Variants in FOXP1 observed in about 807,000 individuals in gnomAD.
FOXP1 encodes the protein forkhead box P1.
In FOXP1, 15 loss-of-function variants were observed where a neutral mutation model predicts 98.2. The observed-to-expected ratio is 0.15, with a 90% CI of 0.10 to 0.24. FOXP1 has a LOEUF of 0.24. FOXP1 is among the 10% of genes least tolerant of loss of function. The pLI, the probability that FOXP1 is intolerant of heterozygous loss-of-function variation, is 1.00. For missense variants in FOXP1, 633 were observed against 848.5 expected (o/e 0.75, Z 3.15); for synonymous variants, 371 against 314.5 (o/e 1.18, Z -1.90).
At chr3:71,200,954 C>A (rs1371931049) in intron 5 of FOXP1, among the ~76,000 whole-genome samples, 2 of 152,160 alleles carry the variant, frequency 1.3e-5, no homozygotes, top group Non-Finnish European at 2.9e-5. Context: ...TCTTCATAAA[C>A]CCAAAGACGT....
chr3:71,262,283 A>C (rs1013436304), intron 5 of FOXP1, among the ~76,000 whole-genome samples: 147 of 147,016 alleles, frequency 1.0e-3, no homozygotes, highest in Middle Eastern at 3.5e-3. Context: ...AAAAAAAAAA[A>C]AAAAAAAAAA....
intron 4 of FOXP1, among the ~76,000 whole-genome samples, chr3:71,325,043 T>C (rs544463559): frequency 7.0e-6 from 1 of 143,686 alleles, no homozygotes; most frequent in African/African-American, 2.5e-5. Context: ...GCTGTAGGTA[T>C]AATCCCTTGA....
chr3:71,010,760 C>T (rs1325022134), intron 12 of FOXP1, among the ~76,000 whole-genome samples: 2 of 152,070 alleles, frequency 1.3e-5, no homozygotes, highest in Admixed American at 6.6e-5. Flanking sequence ...AATGAAGATG[C>T]TTTCAGGATC....
intron 6 of FOXP1, among the ~76,000 whole-genome samples, chr3:71,136,114 C>T (rs1007034536): frequency 1.3e-5 from 2 of 152,198 alleles, no homozygotes; most frequent in African/African-American, 4.8e-5. Context: ...TAGATTCAAT[C>T]ACATGAACCC....
chr3:71,199,235 G>A (rs1018098784), intron 5 of FOXP1, among the ~76,000 whole-genome samples: 3 of 151,682 alleles, frequency 2.0e-5, no homozygotes, highest in Non-Finnish European at 2.9e-5. Flanking sequence ...CTCCCAAGTA[G>A]CTGGGATTAC....
At chr3:71,030,140 T>TA (rs1341940519) in intron 11 of FOXP1, among the ~76,000 whole-genome samples, 1 of 152,226 alleles carries the variant, frequency 6.6e-6, no homozygotes, top group Non-Finnish European at 1.5e-5. Context: ...TAAACTGGGT[T>TA]AACTAGGTTA....
intron 3 of FOXP1, among the ~76,000 whole-genome samples, chr3:71,430,837 G>A (rs748577333): frequency 6.6e-6 from 1 of 152,082 alleles, no homozygotes; most frequent in African/African-American, 2.4e-5. Flanking sequence ...GCGGCGGGGG[G>A]CAGGCCCATG....
At chr3:71,172,248 C>A (rs928141930) in intron 6 of FOXP1, among the ~76,000 whole-genome samples, 4 of 151,990 alleles carry the variant, frequency 2.6e-5, no homozygotes, top group Non-Finnish European at 4.4e-5. Context: ...AGGAAAAGAA[C>A]AAAAATCTTG....
chr3:71,052,426 GAT>G (rs368535820), intron 9 of FOXP1, 109 bp downstream of exon 9: 4 of 778,528 alleles, frequency 5.1e-6, no homozygotes, highest in South Asian at 1.4e-5. Context: ...GCTGAGAACC[GAT>G]AGAGTCAGCT....
intron 2 of FOXP1, among the ~76,000 whole-genome samples, chr3:71,547,358 C>G (rs2045441801): frequency 6.6e-6 from 1 of 152,216 alleles, no homozygotes; most frequent in South Asian, 2.1e-4. Flanking sequence ...CAAGAACGCT[C>G]TTCTTTGAGG....
At chr3:71,312,055 A>C (rs2074725578) in intron 4 of FOXP1, among the ~76,000 whole-genome samples, 1 of 152,248 alleles carries the variant, frequency 6.6e-6, no homozygotes, top group Non-Finnish European at 1.5e-5. Flanking sequence ...CACTAGAAAG[A>C]AGCCCAACTT....
chr3:71,537,853 T>C (rs907321882), intron 2 of FOXP1, among the ~76,000 whole-genome samples: 4 of 152,220 alleles, frequency 2.6e-5, no homozygotes, highest in Non-Finnish European at 5.9e-5. Flanking sequence ...CATTTTTATA[T>C]GGTTGAAGAA....
intron 5 of FOXP1, among the ~76,000 whole-genome samples, chr3:71,233,248 GA>G (rs1185786172): frequency 4.3e-5 from 6 of 140,952 alleles, no homozygotes; most frequent in Non-Finnish European, 7.7e-5. Flanking sequence ...GGGAAGGGGA[GA>G]GGAGGGAAGG....
chr3:71,256,855 G>A (rs1472587124), intron 5 of FOXP1, among the ~76,000 whole-genome samples: 2 of 152,170 alleles, frequency 1.3e-5, no homozygotes, highest in East Asian at 1.9e-4. Context: ...TGTTTGAGGA[G>A]TACTGATTTT....
intron 7 of FOXP1, among the ~76,000 whole-genome samples, chr3:71,070,375 C>T (rs568982287): frequency 3.3e-5 from 5 of 152,230 alleles, no homozygotes; most frequent in Admixed American, 6.5e-5. Flanking sequence ...GAGAGCATGT[C>T]GGCGCATTTT....
At position 71,461,449 on chromosome 3, in the gene FOXP1, G is replaced by A. The variant is rs75847350; in HGVS notation, c.-168+31977C>T. On this transcript the variant is annotated intron_variant, in intron 3 of 20. Transcript: ENST00000649528. The stretch of plus-strand genomic sequence containing the variant: ...CATCAGTTTTAAATGAGCCATGATC[G>A]TATCACTGTGTTCCAGCCTGGGCGA... 3.7e-3 allele frequency among the ~76,000 whole-genome samples: 560 copies of A among 152,246 alleles called. 3 individuals carry two copies. The highest frequency in any genetic ancestry group is 6.0e-3 in the Non-Finnish European group (407 of 68,008).
chr3:71,208,536 T>TTCTGTGCG (rs10529764), intron 5 of FOXP1, among the ~76,000 whole-genome samples: 170 of 149,454 alleles, frequency 1.1e-3, no homozygotes, highest in Middle Eastern at 3.5e-3. Context: ...GCATTTAAGT[T>TTCTGTGCG]TGTGTGTGTG....
intron 19 of FOXP1, among the ~76,000 whole-genome samples, chr3:70,966,917 C>T (rs2034912418): frequency 6.6e-6 from 1 of 152,198 alleles, no homozygotes; most frequent in South Asian, 2.1e-4. Flanking sequence ...GTCTGAAATG[C>T]AGACGCTAGT....
chr3:71,013,372 AT>A (rs1199869881), intron 12 of FOXP1, among the ~76,000 whole-genome samples: 4 of 152,198 alleles, frequency 2.6e-5, no homozygotes, highest in Non-Finnish European at 5.9e-5. Context: ...ATTGTCACCA[AT>A]TTTATAAAAA....
Sources: allele counts gnomAD v4.1 joint callset (sites outside exome capture counted in the v4.1 genomes callset), GRCh38; gene constraint gnomAD v4.1.1; transcripts MANE v1.5; gene names NCBI Gene and HGNC (gene_info 2026-07-23, HGNC 2026-07-21).